CD200R1: variants seen among roughly 807,000 people sequenced by gnomAD.
CD200R1 encodes the protein CD200 receptor 1.
In CD200R1, 30 loss-of-function variants were observed where a neutral mutation model predicts 38.1. The ratio of observed to expected loss-of-function variants is 0.79; its 90% CI spans 0.59 to 1.07. The LOEUF (loss-of-function observed/expected upper bound fraction) is 1.07, where lower values mean the gene tolerates loss of function less well. CD200R1 is among the 50% of genes least tolerant of loss of function. CD200R1 has a pLI of 0.00. For synonymous variants in CD200R1, 128 were observed against 152.1 expected, an observed-to-expected ratio of 0.84 and a Z score of 1.16; for missense variants, 372 against 415.4, an observed-to-expected ratio of 0.90 and a Z score of 0.91.
At chr3:112,939,862 A>G (rs1422139553) in intron 2 of CD200R1, among the ~76,000 whole-genome samples, 4 of 120,598 alleles carry the variant, frequency 3.3e-5, no homozygotes, top group Non-Finnish European at 6.7e-5. Flanking sequence ...GCAAAAAACA[A>G]ACAAACCAAA....
intron 1 of CD200R1, among the ~76,000 whole-genome samples, chr3:112,961,361 C>G (rs1257738557): frequency 1.3e-5 from 2 of 151,896 alleles, no homozygotes; most frequent in African/African-American, 4.8e-5. Flanking sequence ...TCTTATTTCA[C>G]TTCTCATACC....
chr3:112,962,491 A>G (rs535371987), intron 1 of CD200R1, among the ~76,000 whole-genome samples: 1 of 152,336 alleles, frequency 6.6e-6, no homozygotes, highest in Non-Finnish European at 1.5e-5. Context: ...ATGTTATCAA[A>G]TAATATACAA....
At chr3:112,930,179 C>T (rs1940393819) in intron 3 of CD200R1, among the ~76,000 whole-genome samples, 1 of 150,876 alleles carries the variant, frequency 6.6e-6, no homozygotes, top group Non-Finnish European at 1.5e-5. Context: ...AATGATAATG[C>T]CCTGTGATAA....
At chr3:112,950,766 T>C (rs1212695938) in intron 1 of CD200R1, among the ~76,000 whole-genome samples, 1 of 152,072 alleles carries the variant, frequency 6.6e-6, no homozygotes, top group Non-Finnish European at 1.5e-5. Context: ...TACAATGAGA[T>C]TTTTAAGAAA....
At chr3:112,933,846 C>T (rs1016893940) in intron 2 of CD200R1, among the ~76,000 whole-genome samples, 13 of 151,844 alleles carry the variant, frequency 8.6e-5, no homozygotes, top group African/African-American at 2.4e-4. Context: ...ATAAAAAATA[C>T]GATTTTTCAA....
rs888057173 is a variant in CD200R1 at position 112,938,912 on chromosome 3, C to T, written c.137-7741G>A. On this transcript the variant is annotated intron_variant, in intron 2 of 7. Coordinates refer to ENST00000308611, the MANE Select transcript of CD200R1 (RefSeq NM_138806.4). ...GAATTCAACAGAACATCAAAAACAT[C>T]AGGCACCATAATCAAGTGAGATTCA... Among the ~76,000 whole-genome samples, 3 of 152,052 alleles carry T rather than the reference C, an allele frequency of 2.0e-5. No homozygotes were observed. The South Asian group carries it at 6.2e-4, about 31-fold the overall frequency.
intron 1 of CD200R1, among the ~76,000 whole-genome samples, chr3:112,973,248 TACA>T (rs1324071884): frequency 1.3e-5 from 2 of 152,244 alleles, no homozygotes; most frequent in Non-Finnish European, 2.9e-5. Flanking sequence ...AAGAGCTTTC[TACA>T]ACAAGATCTG....
In CD200R1 at chr3:112,921,651, TAGATTCTCTAATTTGAC is replaced by T. The variant is rs1297720100; in HGVS notation, c.*2009_*2025del. ...TTGCTGACACGCCAGGTCTAATCTCTAGATTCTCTAATTTGACAGGTCTAGCGTGGATTTGGAGAATA... is the reference window on the plus strand; with the variant it reads ...TTGCTGACACGCCAGGTCTAATCTCTAGGTCTAGCGTGGATTTGGAGAATA... On this transcript the variant is annotated 3_prime_UTR_variant, in exon 8 of 8. Coordinates refer to ENST00000308611, the MANE Select transcript of CD200R1 (RefSeq NM_138806.4). 1 of 152,104 alleles carries T rather than the reference TAGATTCTCTAATTTGAC, an allele frequency of 6.6e-6. No individual in the cohort carries two copies. Among genetic ancestry groups the T allele is most frequent in the Admixed American group, 6.6e-5 (1 of 15,236 alleles). 9.4% of individuals were successfully genotyped at this position (152,104 alleles called of 1,614,324 possible). A position where few individuals can be genotyped will look rare whatever the true frequency, so the allele number is the denominator to read the frequency against.
chr3:112,952,306 T>C (rs1300243464), intron 1 of CD200R1, among the ~76,000 whole-genome samples: 1 of 152,214 alleles, frequency 6.6e-6, no homozygotes, highest in Admixed American at 6.5e-5. Flanking sequence ...TGTTAGTGTA[T>C]AGAAAAGCTA....
chr3:112,974,145 G>A (rs1249187863), intron 1 of CD200R1, among the ~76,000 whole-genome samples: 1 of 152,082 alleles, frequency 6.6e-6, no homozygotes, highest in Non-Finnish European at 1.5e-5. Flanking sequence ...AAAAAATTAA[G>A]AGAGAAGAGG....
chr3:112,971,120 T>C (rs1933300067), intron 1 of CD200R1, among the ~76,000 whole-genome samples: 1 of 152,186 alleles, frequency 6.6e-6, no homozygotes, highest in South Asian at 2.1e-4. Flanking sequence ...CCCCCAGAGA[T>C]GGCAAAATTC....
chr3:112,943,284 T>C (rs1940768061), intron 2 of CD200R1, among the ~76,000 whole-genome samples: 1 of 151,796 alleles, frequency 6.6e-6, no homozygotes, highest in South Asian at 2.1e-4. Flanking sequence ...TGCCTGCTTT[T>C]AGACCATGAT....
intron 1 of CD200R1, among the ~76,000 whole-genome samples, chr3:112,970,932 AAAGAGAT>A (rs1421416162): frequency 6.6e-6 from 1 of 152,196 alleles, no homozygotes; most frequent in African/African-American, 2.4e-5. Flanking sequence ...TATAGACTGG[AAAGAGAT>A]AAGTATGGTT....
rs113811902 is a variant in CD200R1 at position 112,934,567 on chromosome 3, C to T, written c.137-3396G>A. ...AGACCCAGCTGGGCATGGTGGCTCACGCCTGTAATCCTAGCACTTTGGGAG... is the reference window on the plus strand; with the variant it reads ...AGACCCAGCTGGGCATGGTGGCTCATGCCTGTAATCCTAGCACTTTGGGAG... On this transcript the variant is annotated intron_variant, in intron 2 of 7. Transcript: ENST00000308611. 8.0e-4 allele frequency among the ~76,000 whole-genome samples: 122 copies of T among 152,236 alleles called. 1 individual carries two copies. The highest frequency in any genetic ancestry group is 2.5e-3 in the African/African-American group (104 of 41,558).
chr3:112,965,206 A>G (rs1203944869), intron 1 of CD200R1, among the ~76,000 whole-genome samples: 1 of 152,208 alleles, frequency 6.6e-6, no homozygotes, highest in Non-Finnish European at 1.5e-5. Flanking sequence ...TTAACCTAAG[A>G]ATTAAGAAGC....
rs1310566374 is a variant in CD200R1, at chr3:112,929,189, C to T, written c.520+1G>A. The T allele has an allele frequency of 1.2e-5, 20 of 1,614,142 alleles. No individual in the cohort carries two copies. The highest frequency in any genetic ancestry group is 1.6e-4 in the Middle Eastern group (1 of 6,062). On this transcript the variant is annotated splice_donor_variant, in intron 4 of 7. Transcript: ENST00000308611. LOFTEE classifies it high-confidence loss of function. ...ATACCTCAATATATGATGCTCCTTA[C>T]CTAACACTTGGAGGTGATATCCACG...
intron 2 of CD200R1, among the ~76,000 whole-genome samples, chr3:112,937,467 T>A (rs55664715): frequency 0.58 from 87,176 of 151,472 alleles, 25,433 homozygotes; most frequent in African/African-American, 0.68. Context: ...CCATTGCTTG[T>A]TTCTGTCAGG....
intron 1 of CD200R1, among the ~76,000 whole-genome samples, chr3:112,952,811 T>C (rs1940998764): frequency 6.6e-6 from 1 of 151,992 alleles, no homozygotes; most frequent in African/African-American, 2.4e-5. Context: ...AATAAATAAA[T>C]AATTTTTCGT....
At chr3:112,966,142 A>C (rs549183346) in intron 1 of CD200R1, among the ~76,000 whole-genome samples, 1 of 152,316 alleles carries the variant, frequency 6.6e-6, no homozygotes, top group South Asian at 2.1e-4. Context: ...GGACAATGGT[A>C]AATCAGGAGG....
Sources: allele counts gnomAD v4.1 joint callset (sites outside exome capture counted in the v4.1 genomes callset), GRCh38; gene constraint gnomAD v4.1.1; transcripts MANE v1.5; gene names NCBI Gene and HGNC (gene_info 2026-07-23, HGNC 2026-07-21).